Variants in NMT1 observed in about 807,000 individuals in gnomAD.
NMT1 encodes the protein N-myristoyltransferase 1, also known as glycylpeptide N-tetradecanoyltransferase 1.
In NMT1, 12 loss-of-function variants were observed where a neutral mutation model predicts 63.4. That is an observed-to-expected ratio of 0.19 (90% CI 0.12 to 0.31). The LOEUF (loss-of-function observed/expected upper bound fraction) is 0.31, where lower values mean the gene tolerates loss of function less well. Among genes scored for constraint, NMT1 ranks in the 10% least tolerant of loss-of-function variants. The probability of loss-of-function intolerance (pLI) is 1.00; values close to 1 mark genes in which losing one functional copy is unlikely to be tolerated. For missense variants in NMT1, 432 were observed against 634.6 expected (o/e 0.68, Z 3.43); for synonymous variants, 228 against 234.3 (o/e 0.97, Z 0.25).
chr17:45,081,513 G>T lies in NMT1; in HGVS notation c.132-131G>T. Reference sequence around the variant, plus strand: ...CTCCAAATGCCCTTTCTGGACCTGGGTTCTTCAGCCTGCTTCTGAAGCCAA... The same window carrying T: ...CTCCAAATGCCCTTTCTGGACCTGGTTTCTTCAGCCTGCTTCTGAAGCCAA... On this transcript the variant is annotated intron_variant, in intron 1 of 11. Coordinates refer to ENST00000258960, the MANE Select transcript of NMT1 (RefSeq NM_021079.5). 3 of 779,688 alleles carry T rather than the reference G, an allele frequency of 3.8e-6. No homozygotes were observed. In the South Asian group the frequency reaches 5.3e-5, roughly 14 times the overall value. 48.3% of individuals were successfully genotyped at this position (779,688 alleles called of 1,614,324 possible).
chr17:45,084,536 T>C (rs2054039089), intron 2 of NMT1, among the ~76,000 whole-genome samples: 2 of 151,960 alleles, frequency 1.3e-5, no homozygotes, highest in Admixed American at 1.3e-4. Context: ...GGTTTCACTG[T>C]GTTAGCCAGG....
intron 1 of NMT1, among the ~76,000 whole-genome samples, chr17:45,071,079 C>T (rs941283006): frequency 1.3e-5 from 2 of 152,256 alleles, no homozygotes; most frequent in East Asian, 3.9e-4. Context: ...TTTGGTCTTT[C>T]TGAGTACTAA....
In NMT1 at chr17:45,103,161, C is replaced by A; in HGVS notation, c.1164+40C>A. On this transcript the variant is annotated intron_variant, in intron 9 of 11. Coordinates refer to ENST00000258960, the MANE Select transcript of NMT1 (RefSeq NM_021079.5). This position sits in a 1 kb window ranked among gnomAD's most constrained non-coding sequence, Gnocchi z 4.8. ...GGTGTTCCAGGTCTCTAACACGTTCCCAGAGAGGCACCCCCCTGAGTGGCC... is the reference window on the plus strand; with the variant it reads ...GGTGTTCCAGGTCTCTAACACGTTCACAGAGAGGCACCCCCCTGAGTGGCC... 1 of 1,573,884 alleles carries A rather than the reference C, an allele frequency of 6.4e-7. No individual in the cohort carries two copies. Among genetic ancestry groups the A allele is most frequent in the South Asian group, 1.1e-5 (1 of 87,262 alleles).
At chr17:45,073,954 A>G (rs2053959632) in intron 1 of NMT1, among the ~76,000 whole-genome samples, 1 of 152,140 alleles carries the variant, frequency 6.6e-6, no homozygotes, top group African/African-American at 2.4e-5. Context: ...AGCGGATTGC[A>G]TCATCCAGTA....
intron 3 of NMT1, among the ~76,000 whole-genome samples, chr17:45,090,495 G>C (rs10491142): frequency 0.11 from 16,570 of 152,146 alleles, 1,006 homozygotes; most frequent in Middle Eastern, 0.18. Context: ...TGGCCACTCT[G>C]TTTTAAAAAG....
chr17:45,099,345 A>G, intron 7 of NMT1, 60 bp from the exon 8 acceptor site: 1 of 1,205,746 alleles, frequency 8.3e-7, no homozygotes, highest in Non-Finnish European at 1.2e-6. Context: ...TCTCCCTGCC[A>G]TTGTCCTTGT....
intron 1 of NMT1, among the ~76,000 whole-genome samples, chr17:45,063,316 T>C (rs1298556304): frequency 1.3e-5 from 2 of 152,104 alleles, no homozygotes; most frequent in Non-Finnish European, 2.9e-5. Context: ...ACAGATCTAA[T>C]GTAATAAAAG....
intron 7 of NMT1, 51 bp from the exon 8 acceptor site, chr17:45,099,354 G>A (rs1303710121): frequency 3.1e-6 from 4 of 1,295,974 alleles, no homozygotes; most frequent in Non-Finnish European, 4.5e-6. Flanking sequence ...CATTGTCCTT[G>A]TAATAGGGAT....
At chr17:45,099,741 C>G in intron 8 of NMT1, 1 of 540,030 alleles carries the variant, frequency 1.9e-6, no homozygotes, top group Non-Finnish European at 3.3e-6. Context: ...GGACTAGCTT[C>G]TCTGCCATCT....
Position 45,098,270 on chromosome 17 carries a change from G to A in NMT1, c.714-112G>A, listed in dbSNP as rs1197909525. 7 of 985,974 alleles carry A rather than the reference G, an allele frequency of 7.1e-6. No individual in the cohort carries two copies. In the Admixed American group the frequency reaches 8.0e-5, roughly 11 times the overall value. 61.1% of individuals were successfully genotyped at this position (985,974 alleles called of 1,614,324 possible). A position where few individuals can be genotyped will look rare whatever the true frequency, so the allele number is the denominator to read the frequency against. ...TACTGAGTGCAGGTGGCAGCTAAAA[G>A]TACACCCGTGCTGCAGACCTGGTCC... is the stretch of plus-strand genomic sequence containing the variant. On this transcript the variant is annotated intron_variant, in intron 6 of 11. Coordinates refer to ENST00000258960, the MANE Select transcript of NMT1 (RefSeq NM_021079.5).
At position 45,103,149 on chromosome 17, in the gene NMT1, T is replaced by TC. The variant is rs1734532836; in HGVS notation, c.1164+29dup. 2 of 1,586,042 alleles carry TC rather than the reference T, an allele frequency of 1.3e-6. No homozygotes were observed. The highest frequency in any genetic ancestry group is 1.7e-6 in the Non-Finnish European group (2 of 1,158,906). ...GAGTCAGGGAGTGGTGTTCCAGGTC[T>TC]CTAACACGTTCCCAGAGAGGCACCC... On this transcript the variant is annotated intron_variant, in intron 9 of 11. Transcript: ENST00000258960. The surrounding 1 kb of genome is among the most constrained non-coding windows in gnomAD (Gnocchi z 4.8).
Position 45,104,873 on chromosome 17 carries a change from G to A in NMT1, c.1347G>A (p.Val449=). The A allele has an allele frequency of 1.2e-6, 2 of 1,614,240 alleles. No homozygotes were observed. Among genetic ancestry groups the A allele is most frequent in the Non-Finnish European group, 1.7e-6 (2 of 1,180,036 alleles). Residue 449 remains valine, a synonymous_variant, in exon 11 of 12, where the codon GTG becomes GTA. Transcript: ENST00000258960. The surrounding 1 kb of genome is among the most constrained non-coding windows in gnomAD (Gnocchi z 4.2). ...LVLAKMKGFD[V]FNALDLMENK... ...CTGCTTTGCAGAAAGGGTTTGATGT[G>A]TTCAATGCACTGGATCTCATGGAGA...
intron 1 of NMT1, among the ~76,000 whole-genome samples, chr17:45,070,264 T>A (rs1228208448): frequency 1.3e-5 from 2 of 151,670 alleles, no homozygotes; most frequent in African/African-American, 4.8e-5. Flanking sequence ...TTTGTGTGTG[T>A]GTGTGTGAGA....
chr17:45,103,177 CT>C lies in NMT1; in HGVS notation c.1164+57del, dbSNP rs2054179298. 5.8e-6 allele frequency: 9 copies of C among 1,544,728 alleles called. No homozygotes were observed. The highest frequency in any genetic ancestry group is 4.8e-5 in the South Asian group (4 of 84,098). ...AACACGTTCCCAGAGAGGCACCCCC[CT>C]GAGTGGCCGGGTTCCCAGGGCTCGA... On this transcript the variant is annotated intron_variant, in intron 9 of 11. Transcript: ENST00000258960. This position sits in a 1 kb window ranked among gnomAD's most constrained non-coding sequence, Gnocchi z 4.8.
At chr17:45,081,144 CACTCCCTT>C (rs2143479840) in intron 1 of NMT1, among the ~76,000 whole-genome samples, 1 of 152,318 alleles carries the variant, frequency 6.6e-6, no homozygotes, top group Non-Finnish European at 1.5e-5. Flanking sequence ...CCTCATCCCT[CACTCCCTT>C]TTCATACTGT....
rs1456376961 is a variant in NMT1, at chr17:45,093,737, C to T, written c.438C>T (p.Arg146=). 6.2e-7 allele frequency: 1 copy of T among 1,614,270 alleles called. No individual in the cohort carries two copies. Among genetic ancestry groups the T allele is most frequent in the Non-Finnish European group, 8.5e-7 (1 of 1,180,052 alleles). Residue 146 remains arginine, a synonymous_variant, in exon 4 of 12, where the codon CGC becomes CGT. Transcript: ENST00000258960. ...TGGAGCCTGACAAGGACAATATCCG[C>T]CAGGAGCCCTACACCCTGCCCCAGG... ...GPVEPDKDNI[R]QEPYTLPQGF...
intron 1 of NMT1, among the ~76,000 whole-genome samples, chr17:45,067,720 A>G (rs1456734895): frequency 1.3e-5 from 2 of 152,230 alleles, no homozygotes; most frequent in Admixed American, 1.3e-4. Flanking sequence ...AGCAGAATGG[A>G]AAGAGAAACC....
At chr17:45,085,987 A>T (rs143348354) in intron 2 of NMT1, among the ~76,000 whole-genome samples, 1,662 of 151,538 alleles carry the variant, frequency 0.011, 10 homozygotes, top group Non-Finnish European at 0.014. Flanking sequence ...ATGCCTGGCT[A>T]ATTTTTTGTA....
At chr17:45,102,614 T>C (rs992204377) in intron 8 of NMT1, among the ~76,000 whole-genome samples, 7 of 152,224 alleles carry the variant, frequency 4.6e-5, no homozygotes, top group Non-Finnish European at 1.5e-5. Flanking sequence ...AAGGTACAGC[T>C]AGAAAGGCCA....
Sources: gnomAD v4.1 joint callset for allele counts (sites outside exome capture counted in the v4.1 genomes callset) on GRCh38, gnomAD v4.1.1 for gene constraint, Gnocchi (gnomAD v3.1) non-coding constraint, MANE v1.5 for transcripts, NCBI Gene and HGNC (gene_info 2026-07-23, HGNC 2026-07-21) for gene names.